ATF6: variants seen among roughly 807,000 people sequenced by gnomAD.
ATF6 encodes cyclic AMP-dependent transcription factor ATF-6 alpha.
A neutral mutation model predicts 83.6 loss-of-function variants in ATF6; 53 were observed. The observed-to-expected ratio is 0.63, with a 90% CI of 0.51 to 0.80. The LOEUF (loss-of-function observed/expected upper bound fraction) is 0.80, where lower values mean the gene tolerates loss of function less well. Ranked by LOEUF, ATF6 falls within the 30% of genes least tolerant of loss-of-function variation. ATF6 has a pLI of 0.00. For synonymous variants in ATF6, 288 were observed against 285.8 expected, an observed-to-expected ratio of 1.01 and a Z score of -0.08; for missense variants, 744 against 797.9, an observed-to-expected ratio of 0.93 and a Z score of 0.81.
chr1:161,813,007 A>C (rs1685513091), intron 7 of ATF6, among the ~76,000 whole-genome samples: 1 of 152,098 alleles, frequency 6.6e-6, no homozygotes, highest in African/African-American at 2.4e-5. Context: ...GTGCTCCATT[A>C]ATAGAGCCTT....
intron 15 of ATF6, among the ~76,000 whole-genome samples, chr1:161,951,531 G>A (rs964439552): frequency 6.6e-6 from 1 of 152,142 alleles, no homozygotes; most frequent in Non-Finnish European, 1.5e-5. Context: ...GGCATGTAGT[G>A]GTGAACAAAA....
intron 7 of ATF6, 118 bp from the exon 8 acceptor site, chr1:161,819,515 A>G: frequency 1.4e-6 from 1 of 704,346 alleles, no homozygotes; most frequent in Non-Finnish European, 2.1e-6. Flanking sequence ...TGAAACAACT[A>G]GTAACCTATG....
chr1:161,829,505 G>C (rs1184363295), intron 9 of ATF6, among the ~76,000 whole-genome samples: 3 of 151,990 alleles, frequency 2.0e-5, no homozygotes, highest in Admixed American at 6.6e-5. Flanking sequence ...CACATAGTTG[G>C]AAGTAAAGTA....
intron 9 of ATF6, among the ~76,000 whole-genome samples, chr1:161,824,839 T>C (rs543098324): frequency 6.6e-6 from 1 of 152,302 alleles, no homozygotes; most frequent in East Asian, 1.9e-4. Context: ...GAATCAAGGA[T>C]GCAAATATGA....
intron 9 of ATF6, chr1:161,840,070 G>A (rs1292439103): frequency 6.6e-6 from 1 of 152,208 alleles, no homozygotes; most frequent in Admixed American, 6.5e-5. Flanking sequence ...CCTGAACCTG[G>A]TAGGCAGGAA....
chr1:161,823,439 AATCC>A (rs1685811971), intron 9 of ATF6, among the ~76,000 whole-genome samples: 3 of 152,122 alleles, frequency 2.0e-5, no homozygotes. Context: ...CTTTTGTTGC[AATCC>A]AAAATTTTGA....
intron 14 of ATF6, among the ~76,000 whole-genome samples, chr1:161,869,897 G>A (rs1204895278): frequency 2.0e-5 from 3 of 151,564 alleles, no homozygotes; most frequent in African/African-American, 7.3e-5. Flanking sequence ...ATAATCACAA[G>A]TATTCTTAGT....
intron 15 of ATF6, among the ~76,000 whole-genome samples, chr1:161,938,266 A>G (rs1312608086): frequency 1.3e-5 from 2 of 152,202 alleles, no homozygotes; most frequent in African/African-American, 4.8e-5. Flanking sequence ...TAGAAATTAT[A>G]GGGCTCTTTT....
Position 161,772,343 on chromosome 1 carries a change from G to T in ATF6, c.82+5901G>T, listed in dbSNP as rs558547733. 2.9e-3 allele frequency among the ~76,000 whole-genome samples: 441 copies of T among 152,264 alleles called. 3 individuals are homozygous for T. The highest frequency in any genetic ancestry group is 9.9e-3 in the African/African-American group (412 of 41,554). The stretch of plus-strand genomic sequence containing the variant: ...AGAAAACACTTCAACTGTCCTGACT[G>T]GTCTCAATTTAAGTGTTGCCAGACC... On this transcript the variant is annotated intron_variant, in intron 1 of 15. Coordinates refer to ENST00000367942, the MANE Select transcript of ATF6 (RefSeq NM_007348.4).
chr1:161,799,982 T>C (rs1186709434), intron 6 of ATF6, among the ~76,000 whole-genome samples: 3 of 152,228 alleles, frequency 2.0e-5, no homozygotes, highest in Non-Finnish European at 4.4e-5. Context: ...ATATTTTAGT[T>C]GCCAGTTATT....
In ATF6 at chr1:161,905,997, T is replaced by C. The variant is rs111689992; in HGVS notation, c.1720-6299T>C. On this transcript the variant is annotated intron_variant, in intron 14 of 15. Transcript: ENST00000367942. ...ACAGGCGCCTGCCACCACGCCTGGC[T>C]AATTTTTTTGTATTTTTATTAGAGA... Among the ~76,000 whole-genome samples, 1,337 of 152,234 alleles carry C rather than the reference T, an allele frequency of 8.8e-3. 22 individuals are homozygous for C. The highest frequency in any genetic ancestry group is 0.031 in the African/African-American group (1,277 of 41,528).
chr1:161,870,405 A>G (rs1288359739), intron 14 of ATF6, among the ~76,000 whole-genome samples: 2 of 151,822 alleles, frequency 1.3e-5, no homozygotes, highest in Non-Finnish European at 3.0e-5. Context: ...GAAATTTCCA[A>G]CATGGTGGAA....
At chr1:161,909,679 G>C (rs765270818) in intron 14 of ATF6, among the ~76,000 whole-genome samples, 98 of 152,186 alleles carry the variant, frequency 6.4e-4, no homozygotes, top group South Asian at 1.0e-3. Flanking sequence ...AGTAAGGGCC[G>C]GTCACAGAGG....
intron 7 of ATF6, among the ~76,000 whole-genome samples, chr1:161,814,893 T>C (rs946258020): frequency 6.6e-6 from 1 of 152,238 alleles, no homozygotes; most frequent in Non-Finnish European, 1.5e-5. Flanking sequence ...TCTATAAATA[T>C]GTTTACTGCA....
intron 2 of ATF6, among the ~76,000 whole-genome samples, chr1:161,780,986 ATTAAG>A (rs1684624662): frequency 6.6e-6 from 1 of 152,142 alleles, no homozygotes; most frequent in Non-Finnish European, 1.5e-5. Flanking sequence ...CATTTGTGAC[ATTAAG>A]TTAATATTTA....
intron 12 of ATF6, among the ~76,000 whole-genome samples, chr1:161,856,781 A>G (rs1476256667): frequency 6.6e-6 from 1 of 152,204 alleles, no homozygotes; most frequent in Non-Finnish European, 1.5e-5. Context: ...TAGTCATTAA[A>G]TGAATAGAGC....
chr1:161,766,344 G>A lies in ATF6; in HGVS notation c.-17G>A. ...CAGATATTAATCACGGAGTTCCAGG[G>A]AGAAGGAACTTGTGAAATGGGGGAG... is the stretch of plus-strand genomic sequence containing the variant. On this transcript the variant is annotated 5_prime_UTR_variant, in exon 1 of 16. Transcript: ENST00000367942. The A allele has an allele frequency of 1.2e-6, 2 of 1,610,748 alleles. No homozygotes were observed. The highest frequency in any genetic ancestry group is 1.7e-6 in the Non-Finnish European group (2 of 1,177,306).
intron 14 of ATF6, among the ~76,000 whole-genome samples, chr1:161,872,122 A>G (rs965248439): frequency 6.6e-6 from 1 of 151,680 alleles, no homozygotes; most frequent in African/African-American, 2.4e-5. Context: ...AGGTGCAGTT[A>G]TCATCATTTT....
chr1:161,842,578 T>C (rs1051346893), intron 9 of ATF6, among the ~76,000 whole-genome samples: 4 of 152,140 alleles, frequency 2.6e-5, no homozygotes, highest in Admixed American at 6.6e-5. Flanking sequence ...CTGGATGGGA[T>C]TGGAGACTAT....
Sources: gnomAD v4.1 joint callset for allele counts (sites outside exome capture counted in the v4.1 genomes callset) on GRCh38, gnomAD v4.1.1 for gene constraint, MANE v1.5 for transcripts, NCBI Gene and HGNC (gene_info 2026-07-23, HGNC 2026-07-21) for gene names.